Variants in CSMD1 observed in about 807,000 individuals in gnomAD.
CSMD1 encodes CUB and Sushi multiple domains 1, also known as CUB and sushi domain-containing protein 1.
Under a neutral mutation model 417.5 loss-of-function variants are expected in CSMD1, and 213 were observed. That is an observed-to-expected ratio of 0.51 (90% CI 0.46 to 0.57). The LOEUF is 0.57. Among genes scored for constraint, CSMD1 ranks in the 20% least tolerant of loss-of-function variants. The pLI, the probability that CSMD1 is intolerant of heterozygous loss-of-function variation, is 0.00. For synonymous variants in CSMD1, 2,862 were observed against 1,736.8 expected (o/e 1.65, Z -16.11); for missense variants, 6,923 against 4,529.7 (o/e 1.53, Z -15.17).
At chr8:3,646,191 C>T (rs993580628) in intron 7 of CSMD1, among the ~76,000 whole-genome samples, 7 of 151,968 alleles carry the variant, frequency 4.6e-5, no homozygotes, top group Non-Finnish European at 1.0e-4. Flanking sequence ...AATAGTGATA[C>T]ATTATTTTAT....
At chr8:4,577,894 T>C (rs1799210191) in intron 2 of CSMD1, among the ~76,000 whole-genome samples, 1 of 152,200 alleles carries the variant, frequency 6.6e-6, no homozygotes, top group South Asian at 2.1e-4. Flanking sequence ...ATATAGTAAA[T>C]GTATCAAGTC....
At chr8:3,782,684 G>C (rs983442996) in intron 5 of CSMD1, among the ~76,000 whole-genome samples, 15 of 152,154 alleles carry the variant, frequency 9.9e-5, no homozygotes, top group South Asian at 2.1e-4. Context: ...AACAATGTTT[G>C]AGAACAAGCT....
At chr8:3,632,888 G>C (rs1024392696) in intron 7 of CSMD1, among the ~76,000 whole-genome samples, 9 of 152,164 alleles carry the variant, frequency 5.9e-5, no homozygotes, top group African/African-American at 1.9e-4. Flanking sequence ...AGTTCTCTGA[G>C]AATGGCAGAC....
intron 2 of CSMD1, among the ~76,000 whole-genome samples, chr8:4,425,036 C>A (rs114358825): frequency 7.9e-5 from 12 of 151,864 alleles, no homozygotes; most frequent in Non-Finnish European, 1.5e-4. Flanking sequence ...GTAAGTTGAA[C>A]AAAAACTATT....
intron 5 of CSMD1, among the ~76,000 whole-genome samples, chr8:3,984,296 A>G (rs572818012): frequency 6.6e-6 from 1 of 152,314 alleles, no homozygotes; most frequent in Admixed American, 6.5e-5. Context: ...AATGTCACAC[A>G]TGCACAGAGT....
chr8:3,859,813 G>A (rs943773093), intron 5 of CSMD1, among the ~76,000 whole-genome samples: 3 of 152,136 alleles, frequency 2.0e-5, no homozygotes, highest in African/African-American at 7.2e-5. Context: ...GATTCCGCAG[G>A]GAACAGGCAG....
At chr8:4,127,023 T>C (rs1426968043) in intron 3 of CSMD1, among the ~76,000 whole-genome samples, 1 of 152,072 alleles carries the variant, frequency 6.6e-6, no homozygotes, top group African/African-American at 2.4e-5. Flanking sequence ...AAAATATATA[T>C]ACCCTGGCCT....
intron 3 of CSMD1, among the ~76,000 whole-genome samples, chr8:4,226,691 T>G (rs1801378326): frequency 6.6e-6 from 1 of 152,082 alleles, no homozygotes; most frequent in African/African-American, 2.4e-5. Context: ...CTTTAAAAAT[T>G]TTACGTCCTC....
intron 1 of CSMD1, among the ~76,000 whole-genome samples, chr8:4,932,115 C>T (rs932391162): frequency 6.6e-6 from 1 of 152,172 alleles, no homozygotes; most frequent in African/African-American, 2.4e-5. Context: ...TGGAATCTTT[C>T]AATGTTTAAT....
intron 3 of CSMD1, among the ~76,000 whole-genome samples, chr8:4,248,821 C>G (rs1020871164): frequency 2.0e-5 from 3 of 152,098 alleles, no homozygotes; most frequent in African/African-American, 7.2e-5. Flanking sequence ...AATTTGGTGA[C>G]TGATGTATCC....
intron 1 of CSMD1, among the ~76,000 whole-genome samples, chr8:4,700,121 C>T (rs1452954918): frequency 6.6e-6 from 1 of 152,022 alleles, no homozygotes; most frequent in Non-Finnish European, 1.5e-5. Flanking sequence ...AAGTGGTGAA[C>T]TTTTTGTTTA....
intron 1 of CSMD1, among the ~76,000 whole-genome samples, chr8:4,860,076 A>T (rs1357011162): frequency 6.6e-6 from 1 of 152,054 alleles, no homozygotes; most frequent in African/African-American, 2.4e-5. Flanking sequence ...AATACTATGC[A>T]GCCATAAAAA....
chr8:3,762,737 C>T (rs1173873911), intron 5 of CSMD1, among the ~76,000 whole-genome samples: 1 of 152,186 alleles, frequency 6.6e-6, no homozygotes, highest in Non-Finnish European at 1.5e-5. Flanking sequence ...GGAGCCAGGC[C>T]ACAGCTCGGC....
chr8:4,233,119 C>T (rs1312488314), intron 3 of CSMD1, among the ~76,000 whole-genome samples: 2 of 152,208 alleles, frequency 1.3e-5, no homozygotes, highest in African/African-American at 4.8e-5. Flanking sequence ...AATGCTATCA[C>T]TTATCCACAA....
chr8:3,954,351 C>T (rs1016742186), intron 5 of CSMD1, among the ~76,000 whole-genome samples: 1 of 151,704 alleles, frequency 6.6e-6, no homozygotes, highest in Admixed American at 6.5e-5. Context: ...AGCCATTTAA[C>T]TGGGATCCTA....
intron 5 of CSMD1, among the ~76,000 whole-genome samples, chr8:3,809,051 C>G (rs1243361024): frequency 2.0e-5 from 3 of 152,096 alleles, no homozygotes; most frequent in Admixed American, 2.0e-4. Flanking sequence ...CTTAGCTTTC[C>G]AACAGCCCCT....
intron 30 of CSMD1, among the ~76,000 whole-genome samples, chr8:3,207,297 G>C (rs1895568): frequency 6.7e-6 from 1 of 149,660 alleles, no homozygotes. Flanking sequence ...CTCGGCGCCC[G>C]CCAACACACC....
chr8:3,263,102 C>G (rs940577304), intron 26 of CSMD1, among the ~76,000 whole-genome samples: 2 of 152,106 alleles, frequency 1.3e-5, no homozygotes, highest in African/African-American at 4.8e-5. Context: ...CTTGCATCAT[C>G]AACTGTTATT....
intron 5 of CSMD1, among the ~76,000 whole-genome samples, chr8:3,826,160 C>A (rs2975392): frequency 6.6e-5 from 10 of 151,940 alleles, no homozygotes. Context: ...ATCAAAGTGA[C>A]GAGGCTTTGA....
Sources: allele counts gnomAD v4.1 joint callset (sites outside exome capture counted in the v4.1 genomes callset), GRCh38; gene constraint gnomAD v4.1.1; transcripts MANE v1.5; gene names NCBI Gene and HGNC (gene_info 2026-07-23, HGNC 2026-07-21).